Variants in ATP1A3 observed in about 807,000 individuals in gnomAD.
ATP1A3 encodes the protein ATPase Na+/K+ transporting subunit alpha 3.
ATP1A3 carries 12 observed loss-of-function variants against 108.8 expected under a neutral mutation model. The ratio of observed to expected loss-of-function variants is 0.11; its 90% CI spans 0.07 to 0.18. The LOEUF is 0.18. Ranked by LOEUF, ATP1A3 falls within the 10% of genes least tolerant of loss-of-function variation. ATP1A3 has a pLI of 1.00. For missense variants in ATP1A3, 498 were observed against 1,387.7 expected (o/e 0.36, Z 10.19); for synonymous variants, 539 against 564.5 (o/e 0.95, Z 0.64).
In ATP1A3 at chr19:41,981,935, C is replaced by G. The variant is rs1555863623; in HGVS notation, c.1165G>C (p.Glu389Gln). The G allele has an allele frequency of 6.2e-7, 1 of 1,614,200 alleles. No individual in the cohort carries two copies. The highest frequency in any genetic ancestry group is 8.5e-7 in the Non-Finnish European group (1 of 1,180,042). ...AHMWFDNQIH[E>Q]ADTTEDQSGT... The stretch of plus-strand genomic sequence containing the variant: ...GACTGGTCCTCAGTGGTGTCAGCCT[C>G]GTGGATCTGGTTGTCAAACCACATG... The change falls in exon 9 of 23, where the codon GAG (glutamate) becomes CAG (glutamine). Residue 389 changes from glutamate (E) to glutamine (Q), a missense_variant. Coordinates refer to ENST00000648268, the MANE Select transcript of ATP1A3 (RefSeq NM_152296.5). The surrounding 1 kb of genome is among the most constrained non-coding windows in gnomAD (Gnocchi z 5.0).
chr19:41,978,137 A>G lies in ATP1A3; in HGVS notation c.1806+14T>C, dbSNP rs377372631. On this transcript the variant is annotated intron_variant, in intron 13 of 22. Coordinates refer to ENST00000648268, the MANE Select transcript of ATP1A3 (RefSeq NM_152296.5). This position sits in a 1 kb window ranked among gnomAD's most constrained non-coding sequence, Gnocchi z 8.3. ...ACGCCTGGCTTTGCCTCCCCCAGCC[A>G]CCCCAAGCCACACCTTGATGCCTGC... is the stretch of plus-strand genomic sequence containing the variant. 7.4e-6 allele frequency: 12 copies of G among 1,612,942 alleles called. No homozygotes were observed. The highest frequency in any genetic ancestry group is 1.7e-5 in the Admixed American group (1 of 59,926).
Position 41,985,731 on chromosome 19 carries a change from G to T in ATP1A3, c.606+133C>A. The T allele has an allele frequency of 7.3e-7, 1 of 1,366,290 alleles. No homozygotes were observed. The highest frequency in any genetic ancestry group is 2.4e-5 in the East Asian group (1 of 41,790). The allele number at this position is 1,366,290 out of a possible 1,614,324, so 84.6% of individuals were successfully genotyped here. On this transcript the variant is annotated intron_variant, in intron 6 of 22. Transcript: ENST00000648268. This position sits in a 1 kb window ranked among gnomAD's most constrained non-coding sequence, Gnocchi z 8.2. ...TCCTGGGTCTGAGGGAGGAGGGCCT[G>T]GGGGCCTGGACTCCTGGGTCTGAGG...
intron 11 of ATP1A3, among the ~76,000 whole-genome samples, chr19:41,979,638 T>C (rs2075209561): frequency 6.6e-6 from 1 of 152,070 alleles, no homozygotes; most frequent in Admixed American, 6.5e-5. Context: ...ATGTCCAGAA[T>C]AGGCAAAACC....
In ATP1A3 at chr19:41,978,372, C is replaced by G. The variant is rs782279109; in HGVS notation, c.1631-46G>C. ...GGGTGTGAGGGTCCCAGCCTCGGAACCTCCGCCCCATGCCCCTAGATGTCT... is the reference window on the plus strand; with the variant it reads ...GGGTGTGAGGGTCCCAGCCTCGGAAGCTCCGCCCCATGCCCCTAGATGTCT... On this transcript the variant is annotated intron_variant, in intron 12 of 22. Coordinates refer to ENST00000648268, the MANE Select transcript of ATP1A3 (RefSeq NM_152296.5). The surrounding 1 kb of genome is among the most constrained non-coding windows in gnomAD (Gnocchi z 8.3). 2.6e-6 allele frequency: 4 copies of G among 1,561,028 alleles called. No homozygotes were observed. The highest frequency in any genetic ancestry group is 3.5e-6 in the Non-Finnish European group (4 of 1,152,298).
chr19:41,975,023 G>A (rs1421974432), intron 16 of ATP1A3, among the ~76,000 whole-genome samples: 5 of 151,556 alleles, frequency 3.3e-5, no homozygotes, highest in African/African-American at 9.7e-5. Context: ...ATCCCCCAGG[G>A]TCCCTGGCTT....
chr19:41,971,467 C>T (rs2075109282), intron 16 of ATP1A3, among the ~76,000 whole-genome samples: 1 of 152,152 alleles, frequency 6.6e-6, no homozygotes. Flanking sequence ...TTCACCATAG[C>T]ACCACTCATC....
chr19:41,970,114 C>A, intron 18 of ATP1A3, 71 bp downstream of exon 18: 2 of 1,613,276 alleles, frequency 1.2e-6, no homozygotes, highest in African/African-American at 1.3e-5. Flanking sequence ...GTCCCAAGCA[C>A]CCACGGTGGG....
At chr19:41,993,444 A>G (rs1555868048) in intron 1 of ATP1A3, 5 of 1,533,730 alleles carry the variant, frequency 3.3e-6, no homozygotes, top group Non-Finnish European at 4.4e-6. Flanking sequence ...CTGCTCCCCT[A>G]CATGAGGGGC....
intron 11 of ATP1A3, among the ~76,000 whole-genome samples, chr19:41,980,543 A>G (rs1297525917): frequency 6.6e-6 from 1 of 152,010 alleles, no homozygotes; most frequent in East Asian, 1.9e-4. Context: ...GAACCCAGAG[A>G]CAGAGGTTGC....
chr19:41,970,753 T>G (rs1445161424), intron 16 of ATP1A3, among the ~76,000 whole-genome samples: 3 of 148,558 alleles, frequency 2.0e-5, no homozygotes, highest in Non-Finnish European at 4.5e-5. Flanking sequence ...TGCCTCAGCC[T>G]CCCGAGTAGC....
intron 11 of ATP1A3, among the ~76,000 whole-genome samples, chr19:41,980,607 C>T (rs997518872): frequency 6.7e-6 from 1 of 150,042 alleles, no homozygotes; most frequent in African/African-American, 2.5e-5. Context: ...AGCAAGACTC[C>T]ATCTCAAAAA....
At chr19:41,977,532 C>CA (rs367832047) in intron 14 of ATP1A3, among the ~76,000 whole-genome samples, 2 of 137,540 alleles carry the variant, frequency 1.5e-5, no homozygotes, top group East Asian at 4.3e-4. Context: ...ACTAAAAATA[C>CA]AAAAAAAAAA....
At chr19:41,986,273 ACT>A in intron 4 of ATP1A3, 44 bp from the exon 5 acceptor site, 1 of 1,589,652 alleles carries the variant, frequency 6.3e-7, no homozygotes, top group Non-Finnish European at 8.6e-7. Context: ...CGCCCAAGCC[ACT>A]CTCCACCAGT....
intron 11 of ATP1A3, among the ~76,000 whole-genome samples, chr19:41,979,966 C>A (rs1314722122): frequency 6.6e-6 from 1 of 152,246 alleles, no homozygotes; most frequent in East Asian, 1.9e-4. Flanking sequence ...CCTCTCCATG[C>A]CCGTGGGGCC....
chr19:41,994,203 C>G lies in ATP1A3; in HGVS notation c.-127G>C. On this transcript the variant is annotated 5_prime_UTR_variant, in exon 1 of 23. Transcript: ENST00000648268. ...CGGTAGGTGCGCGCGTCCGTCCGTC[C>G]GTCCGTTGGTCCCACCGCACAGAGG... 1 of 891,358 alleles carries G rather than the reference C, an allele frequency of 1.1e-6. No homozygotes were observed. Among genetic ancestry groups the G allele is most frequent in the South Asian group, 2.1e-5 (1 of 47,798 alleles). The allele number at this position is 891,358 out of a possible 1,614,324, so 55.2% of individuals were successfully genotyped here. A position where few individuals can be genotyped will look rare whatever the true frequency, so the allele number is the denominator to read the frequency against.
chr19:41,984,906 G>A lies in ATP1A3; in HGVS notation c.993+12C>T. On this transcript the variant is annotated intron_variant, in intron 8 of 22. Coordinates refer to ENST00000648268, the MANE Select transcript of ATP1A3 (RefSeq NM_152296.5). ...AGGCCCTCCCCACCCAGACCCAGGA[G>A]CCTGGCCTTACAGTGACAGTGGCCA... 1 of 1,609,842 alleles carries A rather than the reference G, an allele frequency of 6.2e-7. No homozygotes were observed. Among genetic ancestry groups the A allele is most frequent in the South Asian group, 1.1e-5 (1 of 90,368 alleles).
At position 41,978,132 on chromosome 19, in the gene ATP1A3, C is replaced by T. The variant is rs1555862055; in HGVS notation, c.1806+19G>A. 1.2e-6 allele frequency: 2 copies of T among 1,614,234 alleles called. No individual in the cohort carries two copies. The highest frequency in any genetic ancestry group is 1.7e-6 in the Non-Finnish European group (2 of 1,180,042). ...GCCCCACGCCTGGCTTTGCCTCCCC[C>T]AGCCACCCCAAGCCACACCTTGATG... is the stretch of plus-strand genomic sequence containing the variant. On this transcript the variant is annotated intron_variant, in intron 13 of 22. Coordinates refer to ENST00000648268, the MANE Select transcript of ATP1A3 (RefSeq NM_152296.5). The surrounding 1 kb of genome is among the most constrained non-coding windows in gnomAD (Gnocchi z 8.3).
intron 16 of ATP1A3, 60 bp downstream of exon 16, chr19:41,975,569 T>G (rs1402794924): frequency 6.2e-7 from 1 of 1,607,096 alleles, no homozygotes; most frequent in African/African-American, 1.3e-5. Context: ...CAGTTCCCCT[T>G]GCTGGTCTCA....
At chr19:41,984,810 C>A in intron 8 of ATP1A3, 108 bp downstream of exon 8, 1 of 1,339,126 alleles carries the variant, frequency 7.5e-7, no homozygotes, top group African/African-American at 1.5e-5. Context: ...GGCCTCTAGC[C>A]CCTCCTCCCT....
Sources: allele counts gnomAD v4.1 joint callset (sites outside exome capture counted in the v4.1 genomes callset), GRCh38; gene constraint gnomAD v4.1.1; non-coding constraint Gnocchi (gnomAD v3.1); transcripts MANE v1.5; gene names NCBI Gene and HGNC (gene_info 2026-07-23, HGNC 2026-07-21).